ABCG2: variants seen among roughly 807,000 people sequenced by gnomAD.
ABCG2 encodes ATP binding cassette subfamily G member 2 (JR blood group).
Under a neutral mutation model 73.5 loss-of-function variants are expected in ABCG2, and 80 were observed. That is an observed-to-expected ratio of 1.09 (90% CI 0.91 to 1.31). The LOEUF is 1.31. ABCG2 is among the 50% of genes most tolerant of loss of function. The probability of loss-of-function intolerance (pLI) is 0.00; values close to 1 mark genes in which losing one functional copy is unlikely to be tolerated. For missense variants in ABCG2, 796 were observed against 786.2 expected (o/e 1.01, Z -0.15); for synonymous variants, 269 against 282.4 (o/e 0.95, Z 0.48).
chr4:88,217,456 T>A (rs1729854886), intron 1 of ABCG2, among the ~76,000 whole-genome samples: 1 of 152,112 alleles, frequency 6.6e-6, no homozygotes, highest in Non-Finnish European at 1.5e-5. Context: ...AGGTCAGGTG[T>A]TCAAGACCAG....
At chr4:88,189,228 G>A (rs1728586657) in intron 1 of ABCG2, among the ~76,000 whole-genome samples, 1 of 152,020 alleles carries the variant, frequency 6.6e-6, no homozygotes, top group Non-Finnish European at 1.5e-5. Context: ...TTTTTGGATT[G>A]ATTATTCATT....
At chr4:88,140,135 C>A in intron 1 of ABCG2, 121 bp from the exon 2 acceptor site, 3 of 785,856 alleles carry the variant, frequency 3.8e-6, no homozygotes, top group Non-Finnish European at 6.1e-6. Context: ...GCTTCATTTC[C>A]AATGAATGGC....
chr4:88,104,870 C>A (rs1487945388), intron 10 of ABCG2, among the ~76,000 whole-genome samples: 1 of 152,164 alleles, frequency 6.6e-6, no homozygotes, highest in African/African-American at 2.4e-5. Flanking sequence ...TTCTTTATTT[C>A]TCTGGATTTT....
chr4:88,153,912 G>T (rs1203077945), intron 1 of ABCG2, among the ~76,000 whole-genome samples: 3 of 152,170 alleles, frequency 2.0e-5, no homozygotes, highest in Non-Finnish European at 2.9e-5. Flanking sequence ...ACTGAGAAGT[G>T]ATTTCCTTGA....
intron 1 of ABCG2, among the ~76,000 whole-genome samples, chr4:88,191,332 G>A (rs2110107511): frequency 6.7e-6 from 1 of 150,250 alleles, no homozygotes; most frequent in South Asian, 2.1e-4. Context: ...ATATATGAAT[G>A]GCCAACAAGT....
intron 9 of ABCG2, among the ~76,000 whole-genome samples, chr4:88,109,788 T>C (rs1294661534): frequency 6.6e-6 from 1 of 152,032 alleles, no homozygotes; most frequent in Non-Finnish European, 1.5e-5. Context: ...CAGTAGAGAG[T>C]CATAAAACAT....
intron 5 of ABCG2, among the ~76,000 whole-genome samples, chr4:88,129,376 C>T (rs1456792984): frequency 1.3e-5 from 2 of 152,078 alleles, no homozygotes. Context: ...CAAAAAGTAA[C>T]ATATTTTAAA....
intron 1 of ABCG2, among the ~76,000 whole-genome samples, chr4:88,180,397 G>T (rs1317118056): frequency 6.6e-6 from 1 of 152,078 alleles, no homozygotes; most frequent in East Asian, 1.9e-4. Context: ...ATCAACACCA[G>T]GCCTATCTTA....
chr4:88,188,042 C>T (rs1234247636), intron 1 of ABCG2, among the ~76,000 whole-genome samples: 1 of 152,128 alleles, frequency 6.6e-6, no homozygotes, highest in African/African-American at 2.4e-5. Flanking sequence ...AGTGTCATAG[C>T]CTAAAAAGCA....
At chr4:88,099,965 C>T (rs1333165919) in intron 11 of ABCG2, among the ~76,000 whole-genome samples, 1 of 152,122 alleles carries the variant, frequency 6.6e-6, no homozygotes, top group Non-Finnish European at 1.5e-5. Context: ...AAGACTTCTT[C>T]TTTCAATGAT....
At chr4:88,222,581 T>C (rs1730051634) in intron 1 of ABCG2, among the ~76,000 whole-genome samples, 2 of 152,388 alleles carry the variant, frequency 1.3e-5, no homozygotes, top group Non-Finnish European at 1.5e-5. Flanking sequence ...CCCACCCATG[T>C]GGAACTGTGA....
intron 5 of ABCG2, among the ~76,000 whole-genome samples, chr4:88,129,963 A>G (rs1004376454): frequency 2.0e-5 from 3 of 152,222 alleles, no homozygotes; most frequent in Admixed American, 2.0e-4. Context: ...TAGCATACAA[A>G]AGTCTGTAAA....
chr4:88,094,126 A>G (rs1289182678), intron 15 of ABCG2, among the ~76,000 whole-genome samples: 1 of 152,106 alleles, frequency 6.6e-6, no homozygotes, highest in Non-Finnish European at 1.5e-5. Context: ...ATTGCTGCCT[A>G]TTTCATTCTT....
chr4:88,177,389 A>G (rs6828108), intron 1 of ABCG2, among the ~76,000 whole-genome samples: 3 of 90,848 alleles, frequency 3.3e-5, no homozygotes, highest in Non-Finnish European at 9.4e-5. Flanking sequence ...AAAAAAAATT[A>G]AAAAAAAAAG....
At chr4:88,137,510 T>C (rs1725335055) in intron 2 of ABCG2, among the ~76,000 whole-genome samples, 1 of 152,058 alleles carries the variant, frequency 6.6e-6, no homozygotes, top group Non-Finnish European at 1.5e-5. Flanking sequence ...GATAAGAAAA[T>C]ACCACGTTGA....
upstream of ABCG2, among the ~76,000 whole-genome samples, chr4:88,163,371 C>T (rs1727389119): frequency 6.6e-6 from 1 of 152,054 alleles, no homozygotes; most frequent in Non-Finnish European, 1.5e-5. Flanking sequence ...TCTTAGGGTT[C>T]AGAGAAAATA....
chr4:88,142,682 C>A (rs1241079445), intron 1 of ABCG2, among the ~76,000 whole-genome samples: 1 of 152,172 alleles, frequency 6.6e-6, no homozygotes, highest in Admixed American at 6.5e-5. Context: ...CGTGGTGGTT[C>A]ACACCTGTAG....
upstream of ABCG2, chr4:88,159,232 C>T (rs2110084367): frequency 4.4e-6 from 2 of 455,894 alleles, no homozygotes; most frequent in East Asian, 1.4e-4. Context: ...GGTTTGGTCG[C>T]CGTCACTGGC....
intron 1 of ABCG2, among the ~76,000 whole-genome samples, chr4:88,197,405 C>T (rs1728980350): frequency 6.6e-6 from 1 of 151,986 alleles, no homozygotes. Flanking sequence ...TGCTTGAGTG[C>T]AGGAGTTCAA....
Sources: allele counts gnomAD v4.1 joint callset (sites outside exome capture counted in the v4.1 genomes callset), GRCh38; gene constraint gnomAD v4.1.1; transcripts MANE v1.5; gene names NCBI Gene and HGNC (gene_info 2026-07-23, HGNC 2026-07-21).